VAPB: variants seen among roughly 807,000 people sequenced by gnomAD.
VAPB encodes vesicle-associated membrane protein-associated protein B/C.
Under a neutral mutation model 25.6 loss-of-function variants are expected in VAPB, and 7 were observed. The ratio of observed to expected loss-of-function variants is 0.27; its 90% CI spans 0.16 to 0.51. The LOEUF is 0.51. Ranked by LOEUF, VAPB falls within the 20% of genes least tolerant of loss-of-function variation. VAPB has a pLI of 0.97. For synonymous variants in VAPB, 112 were observed against 109.2 expected, an observed-to-expected ratio of 1.03 and a Z score of -0.16; for missense variants, 266 against 301.3, an observed-to-expected ratio of 0.88 and a Z score of 0.87.
chr20:58,410,643 C>T (rs1249980416), intron 1 of VAPB, among the ~76,000 whole-genome samples: 1 of 151,052 alleles, frequency 6.6e-6, no homozygotes, highest in Non-Finnish European at 1.5e-5. Context: ...TCTCGAACTC[C>T]TGATGTCAAG....
rs1473386181 is a variant in VAPB at position 58,448,418 on chromosome 20, T to C, written c.*4183T>C. ...TTGTTTCAATGCCACTCCTTACCTG[T>C]ATAGAACATTTCCAATACATTCGCT... On this transcript the variant is annotated 3_prime_UTR_variant, in exon 6 of 6. Coordinates refer to ENST00000475243, the MANE Select transcript of VAPB (RefSeq NM_004738.5). 1 of 454,122 alleles carries C rather than the reference T, an allele frequency of 2.2e-6. No individual in the cohort carries two copies. The highest frequency in any genetic ancestry group is 4.4e-6 in the Non-Finnish European group (1 of 226,790). The allele number at this position is 454,122 out of a possible 1,614,324, so 28.1% of individuals were successfully genotyped here. A position where few individuals can be genotyped will look rare whatever the true frequency, so the allele number is the denominator to read the frequency against.
intron 1 of VAPB, among the ~76,000 whole-genome samples, chr20:58,413,823 G>A (rs1190692511): frequency 7.0e-6 from 1 of 143,268 alleles, no homozygotes; most frequent in Non-Finnish European, 1.5e-5. Flanking sequence ...CGGGCGGGGG[G>A]CTGACCCCGC....
intron 3 of VAPB, among the ~76,000 whole-genome samples, chr20:58,438,387 C>T (rs1029285399): frequency 1.3e-5 from 2 of 152,188 alleles, no homozygotes; most frequent in African/African-American, 4.8e-5. Context: ...AAGTGATCCT[C>T]CCTCCTCAGC....
rs1037475892 is a variant in VAPB at position 58,444,715 on chromosome 20, T to C, written c.*480T>C. ...AGGCTGCTTTCCGTGTCTTCAGTTC[T>C]GTCCAAGCCATCAGCTCCTTGGGAC... On this transcript the variant is annotated 3_prime_UTR_variant, in exon 6 of 6. Coordinates refer to ENST00000475243, the MANE Select transcript of VAPB (RefSeq NM_004738.5). The C allele has an allele frequency of 5.3e-5, 24 of 454,426 alleles. No individual in the cohort carries two copies. The highest frequency in any genetic ancestry group is 1.0e-4 in the Non-Finnish European group (23 of 226,864). 28.1% of individuals were successfully genotyped at this position (454,426 alleles called of 1,614,324 possible).
At chr20:58,402,935 G>A (rs942634810) in intron 1 of VAPB, among the ~76,000 whole-genome samples, 2 of 152,174 alleles carry the variant, frequency 1.3e-5, no homozygotes, top group Non-Finnish European at 2.9e-5. Flanking sequence ...AACTCAGGAG[G>A]TGGAAGCTGC....
chr20:58,397,484 A>T (rs528779224), intron 1 of VAPB, among the ~76,000 whole-genome samples: 1 of 150,656 alleles, frequency 6.6e-6, no homozygotes, highest in South Asian at 2.1e-4. Flanking sequence ...CCGCCATCGC[A>T]CTCCAGCCTG....
Position 58,448,865 on chromosome 20 carries a change from G to T in VAPB, c.*4630G>T. 1 of 454,096 alleles carries T rather than the reference G, an allele frequency of 2.2e-6. No individual in the cohort carries two copies. Among genetic ancestry groups the T allele is most frequent in the South Asian group, 1.6e-5 (1 of 64,478 alleles). The allele number at this position is 454,096 out of a possible 1,614,324, so 28.1% of individuals were successfully genotyped here. ...AGAATGACTTTGGGGGCTTTAGAAA[G>T]AATATTGCCAGTCCGTCTCGGCAAG... On this transcript the variant is annotated 3_prime_UTR_variant, in exon 6 of 6. Coordinates refer to ENST00000475243, the MANE Select transcript of VAPB (RefSeq NM_004738.5).
intron 2 of VAPB, chr20:58,431,260 A>C (rs1318122037): frequency 1.3e-5 from 2 of 152,186 alleles, no homozygotes; most frequent in East Asian, 3.9e-4. Context: ...GAGCTTCCAA[A>C]TGTTGGCATA....
Position 58,415,817 on chromosome 20 carries a change from T to C in VAPB, c.59-2394T>C, listed in dbSNP as rs544246203. Reference sequence around the variant, plus strand: ...CTCATAAGCTTTTACATCATTTTTATTGAAGGTTTTGTGTATGCTAATCCA... The same window carrying C: ...CTCATAAGCTTTTACATCATTTTTACTGAAGGTTTTGTGTATGCTAATCCA... On this transcript the variant is annotated intron_variant, in intron 1 of 5. Transcript: ENST00000475243. 3.9e-5 allele frequency among the ~76,000 whole-genome samples: 6 copies of C among 152,344 alleles called. No individual in the cohort carries two copies. The South Asian group carries it at 1.2e-3, about 32-fold the overall frequency.
At chr20:58,438,831 A>G in intron 3 of VAPB, 114 bp from the exon 4 acceptor site, 2 of 833,954 alleles carry the variant, frequency 2.4e-6, no homozygotes, top group Non-Finnish European at 3.9e-6. Context: ...TTTATTTGAT[A>G]TACATCAGGG....
At position 58,447,753 on chromosome 20, in the gene VAPB, A is replaced by G. The variant is rs1989331483; in HGVS notation, c.*3518A>G. ...GTGCCTATATTTTTTTGCATACACAAATTTTTGTGTTTGCAAACTCAGAAT... is the reference window on the plus strand; with the variant it reads ...GTGCCTATATTTTTTTGCATACACAGATTTTTGTGTTTGCAAACTCAGAAT... On this transcript the variant is annotated 3_prime_UTR_variant, in exon 6 of 6. Transcript: ENST00000475243. The G allele has an allele frequency of 2.2e-6, 1 of 453,660 alleles. No homozygotes were observed. Among genetic ancestry groups the G allele is most frequent in the African/African-American group, 2.0e-5 (1 of 49,970 alleles). 28.1% of individuals were successfully genotyped at this position (453,660 alleles called of 1,614,324 possible).
rs765965868 is a variant in VAPB at position 58,389,257 on chromosome 20, G to GCCTCGCCCTCGC, written c.-198_-187dup. The GCCTCGCCCTCGC allele has an allele frequency of 1.5e-6, 1 of 670,770 alleles. No individual in the cohort carries two copies. 41.6% of individuals were successfully genotyped at this position (670,770 alleles called of 1,614,324 possible). ...TGCCGTCAGCTCGCCGGGCACCGCG[G>GCCTCGCCCTCGC]CCTCGCCCTCGCCCTCCGCCCCTGC... On this transcript the variant is annotated 5_prime_UTR_variant, in exon 1 of 6. Coordinates refer to ENST00000475243, the MANE Select transcript of VAPB (RefSeq NM_004738.5).
At chr20:58,390,355 T>A (rs1197236085) in intron 1 of VAPB, 1 of 151,758 alleles carries the variant, frequency 6.6e-6, no homozygotes, top group Non-Finnish European at 1.5e-5. Flanking sequence ...TTTGTGCCTT[T>A]ATGTTTTCTA....
intron 1 of VAPB, among the ~76,000 whole-genome samples, chr20:58,409,321 A>G (rs1250481509): frequency 6.6e-6 from 1 of 152,242 alleles, no homozygotes; most frequent in Non-Finnish European, 1.5e-5. Context: ...GATACTTTTT[A>G]ATGTAAATAG....
At chr20:58,409,754 T>C (rs1988326646) in intron 1 of VAPB, among the ~76,000 whole-genome samples, 2 of 152,154 alleles carry the variant, frequency 1.3e-5, no homozygotes, top group Admixed American at 1.3e-4. Flanking sequence ...ACTTATTTGG[T>C]AACATATATA....
Position 58,448,052 on chromosome 20 carries a change from C to T in VAPB, c.*3817C>T, listed in dbSNP as rs768915383. On this transcript the variant is annotated 3_prime_UTR_variant, in exon 6 of 6. Transcript: ENST00000475243. The stretch of plus-strand genomic sequence containing the variant: ...GCCTGAAGAAGGAGAAAGAACCAAA[C>T]TGAACTATGAAAAGTTACCACTCTG... 2.0e-5 allele frequency: 9 copies of T among 453,844 alleles called. No homozygotes were observed. Among genetic ancestry groups the T allele is most frequent in the South Asian group, 1.4e-4 (9 of 64,470 alleles). 28.1% of individuals were successfully genotyped at this position (453,844 alleles called of 1,614,324 possible).
intron 5 of VAPB, 113 bp from the exon 6 acceptor site, chr20:58,443,964 C>T (rs1989217509): frequency 6.7e-7 from 1 of 1,499,020 alleles, no homozygotes; most frequent in South Asian, 1.1e-5. Context: ...TGCGGTTGGA[C>T]CATATCATGT....
In VAPB at chr20:58,444,129, C is replaced by T; in HGVS notation, c.626C>T (p.Ser209Leu). 6.2e-7 allele frequency: 1 copy of T among 1,614,194 alleles called. No homozygotes were observed. Among genetic ancestry groups the T allele is most frequent in the Non-Finnish European group, 8.5e-7 (1 of 1,180,038 alleles). Residue 209 changes from serine to leucine, a missense_variant, in exon 6 of 6, where the codon TCA becomes TTA. Coordinates refer to ENST00000475243, the MANE Select transcript of VAPB (RefSeq NM_004738.5). ...RKTVQSNSPISALAPTGKEEG... is the reference protein window; with the variant it reads ...RKTVQSNSPILALAPTGKEEG... ...ACAGTGCAGAGCAACAGCCCCATTTCAGCATTAGCCCCAACTGGGAAGGAA... is the reference window on the plus strand; with the variant it reads ...ACAGTGCAGAGCAACAGCCCCATTTTAGCATTAGCCCCAACTGGGAAGGAA...
intron 1 of VAPB, among the ~76,000 whole-genome samples, chr20:58,396,956 A>G (rs1419685837): frequency 1.3e-5 from 2 of 152,226 alleles, no homozygotes; most frequent in Non-Finnish European, 2.9e-5. Context: ...CCCTCATACC[A>G]GTATCAGCTC....
Sources: allele counts gnomAD v4.1 joint callset (sites outside exome capture counted in the v4.1 genomes callset), GRCh38; gene constraint gnomAD v4.1.1; transcripts MANE v1.5; gene names NCBI Gene and HGNC (gene_info 2026-07-23, HGNC 2026-07-21).